Variants in RNF180 observed in about 807,000 individuals in gnomAD.
RNF180 encodes ring finger protein 180.
A neutral mutation model predicts 59.2 loss-of-function variants in RNF180; 38 were observed. The ratio of observed to expected loss-of-function variants is 0.64; its 90% CI spans 0.50 to 0.84. The LOEUF (loss-of-function observed/expected upper bound fraction) is 0.84. RNF180 is among the 40% of genes least tolerant of loss of function. The pLI is 0.00. For missense variants in RNF180, 705 were observed against 700.9 expected (o/e 1.01, Z -0.07); for synonymous variants, 262 against 240.3 (o/e 1.09, Z -0.84).
intron 5 of RNF180, among the ~76,000 whole-genome samples, chr5:64,243,019 G>T (rs552273860): frequency 2.0e-5 from 3 of 152,166 alleles, no homozygotes; most frequent in Non-Finnish European, 4.4e-5. Flanking sequence ...CAAGGGAAGC[G>T]TGAGGGACTG....
chr5:64,348,470 C>A (rs1745642483), intron 7 of RNF180, among the ~76,000 whole-genome samples: 1 of 151,978 alleles, frequency 6.6e-6, no homozygotes. Flanking sequence ...AGAGATTATA[C>A]AAACAACTGG....
intron 5 of RNF180, among the ~76,000 whole-genome samples, chr5:64,316,185 C>A (rs1744034745): frequency 6.6e-6 from 1 of 152,182 alleles, no homozygotes; most frequent in Non-Finnish European, 1.5e-5. Context: ...GCTGAGATCA[C>A]AGGCACATGT....
intron 5 of RNF180, among the ~76,000 whole-genome samples, chr5:64,322,938 T>C (rs988090100): frequency 1.3e-5 from 2 of 151,918 alleles, no homozygotes; most frequent in Admixed American, 6.6e-5. Context: ...AAACAACTTA[T>C]TCATGTAACC....
intron 5 of RNF180, among the ~76,000 whole-genome samples, chr5:64,314,921 C>T (rs1246348796): frequency 6.6e-6 from 1 of 152,170 alleles, no homozygotes; most frequent in Non-Finnish European, 1.5e-5. Flanking sequence ...TACAGCAAAA[C>T]TTGACAAGCA....
chr5:64,233,981 A>G (rs975585447), intron 5 of RNF180, among the ~76,000 whole-genome samples: 1 of 152,204 alleles, frequency 6.6e-6, no homozygotes, highest in Non-Finnish European at 1.5e-5. Context: ...GGAGAGAGGC[A>G]GTATAATATA....
chr5:64,184,572 G>T (rs1470928154), intron 1 of RNF180, among the ~76,000 whole-genome samples: 1 of 152,060 alleles, frequency 6.6e-6, no homozygotes, highest in Non-Finnish European at 1.5e-5. Context: ...TGCTTGATTG[G>T]ATTCTTTCTC....
intron 5 of RNF180, among the ~76,000 whole-genome samples, chr5:64,324,318 ACACT>A (rs1452321975): frequency 6.6e-6 from 1 of 152,172 alleles, no homozygotes; most frequent in Non-Finnish European, 1.5e-5. Context: ...ACACACACCA[ACACT>A]CACCCCAACT....
intron 4 of RNF180, among the ~76,000 whole-genome samples, chr5:64,216,896 C>A (rs911162254): frequency 6.6e-5 from 10 of 152,060 alleles, no homozygotes; most frequent in Non-Finnish European, 2.9e-5. Flanking sequence ...TTATGACTTA[C>A]ACACATGTAA....
At chr5:64,252,552 G>T (rs1408216536) in intron 5 of RNF180, among the ~76,000 whole-genome samples, 2 of 151,958 alleles carry the variant, frequency 1.3e-5, no homozygotes, top group African/African-American at 4.8e-5. Flanking sequence ...ATACATACAA[G>T]GTTTTTTGTC....
chr5:64,309,371 C>T (rs571476600), intron 5 of RNF180, among the ~76,000 whole-genome samples: 1 of 151,788 alleles, frequency 6.6e-6, no homozygotes, highest in East Asian at 1.9e-4. Context: ...ACTCAGAGTA[C>T]ATAATGAAAG....
At chr5:64,321,648 G>A (rs1027500531) in intron 5 of RNF180, among the ~76,000 whole-genome samples, 3 of 151,884 alleles carry the variant, frequency 2.0e-5, no homozygotes, top group Non-Finnish European at 4.4e-5. Context: ...ATTTTTCACA[G>A]AATTAGAAAA....
At chr5:64,295,147 A>G (rs1428670208) in intron 5 of RNF180, among the ~76,000 whole-genome samples, 1 of 152,202 alleles carries the variant, frequency 6.6e-6, no homozygotes, top group African/African-American at 2.4e-5. Context: ...ATGTGAATAT[A>G]CTACAGCATG....
chr5:64,206,561 T>A (rs1165401019), intron 2 of RNF180, among the ~76,000 whole-genome samples: 2 of 152,234 alleles, frequency 1.3e-5, no homozygotes, highest in Non-Finnish European at 2.9e-5. Flanking sequence ...TTTTTAATAC[T>A]TTGTGTTCGC....
chr5:64,266,046 C>T (rs1396963576), intron 5 of RNF180, among the ~76,000 whole-genome samples: 1 of 152,130 alleles, frequency 6.6e-6, no homozygotes, highest in Non-Finnish European at 1.5e-5. Flanking sequence ...TATAAGAATG[C>T]TTATGATTTT....
chr5:64,313,106 A>G (rs1012907870), intron 5 of RNF180, among the ~76,000 whole-genome samples: 1 of 152,172 alleles, frequency 6.6e-6, no homozygotes, highest in African/African-American at 2.4e-5. Context: ...CATCAAATTT[A>G]TGATTCATAT....
intron 5 of RNF180, among the ~76,000 whole-genome samples, chr5:64,229,093 T>C (rs916004776): frequency 6.6e-6 from 1 of 151,942 alleles, no homozygotes; most frequent in Admixed American, 6.5e-5. Context: ...AGCTAAGTTA[T>C]TGTGTATTTT....
At chr5:64,165,661 G>T (rs1030359447), upstream of RNF180, among the ~76,000 whole-genome samples, 4 of 152,184 alleles carry the variant, frequency 2.6e-5, no homozygotes, top group African/African-American at 9.6e-5. Context: ...GCCTGCGCGG[G>T]GTCAAAGCCC....
intron 7 of RNF180, among the ~76,000 whole-genome samples, chr5:64,332,961 C>A (rs1744971378): frequency 6.6e-6 from 1 of 152,084 alleles, no homozygotes; most frequent in Non-Finnish European, 1.5e-5. Flanking sequence ...GAGATAGAAG[C>A]AGAGCCCCTA....
At chr5:64,209,776 G>T (rs993990648) in intron 2 of RNF180, among the ~76,000 whole-genome samples, 20 of 152,006 alleles carry the variant, frequency 1.3e-4, no homozygotes, top group Non-Finnish European at 7.4e-5. Flanking sequence ...TTGTTTTAAA[G>T]AATTCATTAG....
Sources: gnomAD v4.1 joint callset for allele counts (sites outside exome capture counted in the v4.1 genomes callset) on GRCh38, gnomAD v4.1.1 for gene constraint, MANE v1.5 for transcripts, NCBI Gene and HGNC (gene_info 2026-07-23, HGNC 2026-07-21) for gene names.